SGMS1: variants seen among roughly 807,000 people sequenced by gnomAD.
The protein encoded by SGMS1 is sphingomyelin synthase 1.
A neutral mutation model predicts 46.2 loss-of-function variants in SGMS1; 13 were observed. The observed-to-expected ratio is 0.28, with a 90% CI of 0.18 to 0.45. SGMS1 has a LOEUF of 0.45. Ranked by LOEUF, SGMS1 falls within the 20% of genes least tolerant of loss-of-function variation. The pLI is 1.00. For synonymous variants in SGMS1, 203 were observed against 187.8 expected (o/e 1.08, Z -0.66); for missense variants, 324 against 519.9 (o/e 0.62, Z 3.66).
At chr10:50,325,596 A>C (rs1359610156) in intron 8 of SGMS1, among the ~76,000 whole-genome samples, 2 of 152,230 alleles carry the variant, frequency 1.3e-5, no homozygotes, top group Non-Finnish European at 2.9e-5. Context: ...TTGATGACTC[A>C]AGCTGACTAT....
chr10:50,513,937 G>T (rs1837780080), intron 3 of SGMS1, among the ~76,000 whole-genome samples: 1 of 152,100 alleles, frequency 6.6e-6, no homozygotes, highest in Non-Finnish European at 1.5e-5. Context: ...AACCCATGAA[G>T]AATAGTTATG....
intron 6 of SGMS1, among the ~76,000 whole-genome samples, chr10:50,358,053 G>A (rs1427235694): frequency 1.3e-5 from 2 of 152,168 alleles, no homozygotes; most frequent in Non-Finnish European, 2.9e-5. Flanking sequence ...GCCAAGGTGG[G>A]AGAATCTCTT....
At chr10:50,388,771 C>A (rs1176855425) in intron 6 of SGMS1, among the ~76,000 whole-genome samples, 1 of 152,088 alleles carries the variant, frequency 6.6e-6, no homozygotes, top group Admixed American at 6.5e-5. Context: ...TTTTAAATAA[C>A]CTACTACATA....
intron 3 of SGMS1, among the ~76,000 whole-genome samples, chr10:50,495,671 A>G (rs900354305): frequency 6.6e-6 from 1 of 152,216 alleles, no homozygotes; most frequent in African/African-American, 2.4e-5. Flanking sequence ...CTGGCTAAAA[A>G]CATTTTGTTA....
intron 5 of SGMS1, among the ~76,000 whole-genome samples, chr10:50,458,284 T>C (rs1837217566): frequency 1.3e-5 from 2 of 151,482 alleles, no homozygotes; most frequent in South Asian, 4.2e-4. Context: ...GTTAGAAACA[T>C]TGCTGGTGAA....
chr10:50,482,218 A>T (rs564011640), intron 3 of SGMS1, among the ~76,000 whole-genome samples: 2 of 152,322 alleles, frequency 1.3e-5, no homozygotes, highest in South Asian at 2.1e-4. Flanking sequence ...ACACATAATC[A>T]TCAGATTCTC....
At chr10:50,450,666 A>G (rs1837095573) in intron 5 of SGMS1, among the ~76,000 whole-genome samples, 1 of 152,230 alleles carries the variant, frequency 6.6e-6, no homozygotes, top group African/African-American at 2.4e-5. Flanking sequence ...AAAATATCCA[A>G]CACATTTTTA....
intron 6 of SGMS1, among the ~76,000 whole-genome samples, chr10:50,361,807 C>A (rs1261654767): frequency 6.6e-6 from 1 of 152,196 alleles, no homozygotes; most frequent in Non-Finnish European, 1.5e-5. Flanking sequence ...CTCCCCACAG[C>A]TCTCAAGATG....
At chr10:50,362,572 C>T (rs1018040051) in intron 6 of SGMS1, among the ~76,000 whole-genome samples, 9 of 152,098 alleles carry the variant, frequency 5.9e-5, no homozygotes, top group African/African-American at 1.2e-4. Flanking sequence ...TCCTTAAAGG[C>T]GCTTCAAAAA....
intron 1 of SGMS1, among the ~76,000 whole-genome samples, chr10:50,617,808 A>C (rs533587445): frequency 6.6e-6 from 1 of 151,798 alleles, no homozygotes; most frequent in South Asian, 2.1e-4. Flanking sequence ...CCTGGGCTCA[A>C]GCAATCCACC....
At chr10:50,534,547 A>G (rs12261460) in intron 2 of SGMS1, among the ~76,000 whole-genome samples, 7,184 of 152,280 alleles carry the variant, frequency 0.047, 545 homozygotes, top group African/African-American at 0.16. Context: ...GTTTGAATCT[A>G]TCTTAAGGAA....
intron 1 of SGMS1, among the ~76,000 whole-genome samples, chr10:50,620,064 C>T (rs1222480953): frequency 1.3e-5 from 2 of 152,242 alleles, no homozygotes; most frequent in Non-Finnish European, 2.9e-5. Flanking sequence ...ACTTATTCAT[C>T]AGCACCATTC....
chr10:50,428,026 T>C (rs1200607626), intron 6 of SGMS1, among the ~76,000 whole-genome samples: 1 of 151,932 alleles, frequency 6.6e-6, no homozygotes, highest in Non-Finnish European at 1.5e-5. Context: ...TGTGTGTGTA[T>C]TAGGCCTGAA....
At chr10:50,423,517 C>G (rs1359856720) in intron 6 of SGMS1, among the ~76,000 whole-genome samples, 1 of 152,112 alleles carries the variant, frequency 6.6e-6, no homozygotes, top group Admixed American at 6.5e-5. Context: ...TGGTTTGCCC[C>G]AAACACATCA....
intron 3 of SGMS1, among the ~76,000 whole-genome samples, chr10:50,481,357 C>A (rs558292631): frequency 6.6e-6 from 1 of 152,342 alleles, no homozygotes; most frequent in African/African-American, 2.4e-5. Flanking sequence ...TGCTATTCTG[C>A]AGCTTCCACT....
chr10:50,420,189 T>A (rs1233250974), intron 6 of SGMS1, among the ~76,000 whole-genome samples: 9 of 152,212 alleles, frequency 5.9e-5, no homozygotes, highest in Non-Finnish European at 1.0e-4. Context: ...CTCTCTTGAC[T>A]CTCATATTCC....
At chr10:50,390,683 A>G (rs764249115) in intron 6 of SGMS1, among the ~76,000 whole-genome samples, 4 of 152,232 alleles carry the variant, frequency 2.6e-5, no homozygotes, top group South Asian at 2.1e-4. Flanking sequence ...GTTCATGTCT[A>G]GATACTTTAA....
chr10:50,588,096 T>C (rs963255935), intron 2 of SGMS1, among the ~76,000 whole-genome samples: 3 of 152,172 alleles, frequency 2.0e-5, no homozygotes, highest in African/African-American at 7.2e-5. Context: ...TTTCAAAGCA[T>C]AACCATACAG....
chr10:50,572,960 T>G (rs957561519), intron 2 of SGMS1, among the ~76,000 whole-genome samples: 1 of 152,176 alleles, frequency 6.6e-6, no homozygotes, highest in Non-Finnish European at 1.5e-5. Flanking sequence ...AAACATTCTA[T>G]GTACCTTGAA....
Sources: allele counts gnomAD v4.1 joint callset (sites outside exome capture counted in the v4.1 genomes callset), GRCh38; gene constraint gnomAD v4.1.1; transcripts MANE v1.5; gene names NCBI Gene and HGNC (gene_info 2026-07-23, HGNC 2026-07-21).